Variants in ENPP2 observed in about 807,000 individuals in gnomAD.
ENPP2 encodes the protein autotaxin.
ENPP2 carries 51 observed loss-of-function variants against 120.2 expected under a neutral mutation model. The ratio of observed to expected loss-of-function variants is 0.42; its 90% CI spans 0.34 to 0.54. ENPP2 has a LOEUF of 0.54. ENPP2 is among the 20% of genes least tolerant of loss of function. ENPP2 has a pLI of 0.04. For missense variants in ENPP2, 920 were observed against 1,066.5 expected, an observed-to-expected ratio of 0.86 and a Z score of 1.91; for synonymous variants, 365 against 366.4, an observed-to-expected ratio of 1.00 and a Z score of 0.04.
chr8:119,607,963 G>A lies in ENPP2; in HGVS notation c.792C>T (p.Ala264=). Residue 264 remains alanine, a synonymous_variant, in exon 9 of 25, where the codon GCC becomes GCT. Coordinates refer to ENST00000075322, the MANE Select transcript of ENPP2 (RefSeq NM_001040092.3). ...TTCCAGCTTTCACCCCTTGCTTGGTGGCTGTAATCCATAGCTAATGAGGAA... is the reference window on the plus strand; with the variant it reads ...TTCCAGCTTTCACCCCTTGCTTGGTAGCTGTAATCCATAGCTAATGAGGAA... The part of the protein sequence containing the change: ...WWGGQPLWIT[A]TKQGVKAGTF... The A allele has an allele frequency of 6.2e-7, 1 of 1,610,174 alleles. No individual in the cohort carries two copies. Among genetic ancestry groups the A allele is most frequent in the Non-Finnish European group, 8.5e-7 (1 of 1,177,782 alleles).
Position 119,638,513 on chromosome 8 carries a change from G to C in ENPP2, c.48C>G (p.Phe16Leu), listed in dbSNP as rs1817143878. The change falls in exon 2 of 25, where the codon TTC becomes TTG. Residue 16 changes from phenylalanine to leucine, a missense_variant. Coordinates refer to ENST00000075322, the MANE Select transcript of ENPP2 (RefSeq NM_001040092.3). ...SFQSCQIISL[F>L]TFAVGVNICL... Reference sequence around the variant, plus strand: ...AGATATTGACTCCAACGGCAAAAGTGAACAGGGATATTATCTAAGAGAATA... The same window carrying C: ...AGATATTGACTCCAACGGCAAAAGTCAACAGGGATATTATCTAAGAGAATA... 6.3e-7 allele frequency: 1 copy of C among 1,589,810 alleles called. No individual in the cohort carries two copies. The highest frequency in any genetic ancestry group is 8.6e-7 in the Non-Finnish European group (1 of 1,157,852).
At chr8:119,672,895 C>T (rs1818292766) in intron 1 of ENPP2, among the ~76,000 whole-genome samples, 2 of 152,316 alleles carry the variant, frequency 1.3e-5, no homozygotes, top group South Asian at 4.1e-4. Context: ...GTCTCGCCGC[C>T]CAGGAGGGCA....
At chr8:119,600,942 C>G (rs952137394) in intron 10 of ENPP2, among the ~76,000 whole-genome samples, 192 bp from the exon 11 acceptor site, 1 of 151,620 alleles carries the variant, frequency 6.6e-6, no homozygotes, top group Non-Finnish European at 1.5e-5. Context: ...TCTGTAGTAA[C>G]TGTCTGGAAC....
chr8:119,658,673 C>T (rs1053203313), intron 1 of ENPP2, among the ~76,000 whole-genome samples: 3 of 152,102 alleles, frequency 2.0e-5, no homozygotes, highest in Admixed American at 1.3e-4. Context: ...ATCCTTCTCT[C>T]CCCTATGCTT....
intron 1 of ENPP2, among the ~76,000 whole-genome samples, chr8:119,661,410 C>G (rs116814449): frequency 0.019 from 2,845 of 152,278 alleles, 86 homozygotes; most frequent in African/African-American, 0.065. Context: ...TACAGGAAAG[C>G]TGCTCAACAT....
intron 1 of ENPP2, among the ~76,000 whole-genome samples, chr8:119,647,775 C>G (rs1000749846): frequency 6.6e-6 from 1 of 152,000 alleles, no homozygotes; most frequent in African/African-American, 2.4e-5. Flanking sequence ...GAGGCAGAGG[C>G]GGGTGGATTA....
chr8:119,600,875 T>TC, intron 10 of ENPP2, 125 bp from the exon 11 acceptor site: 1 of 649,672 alleles, frequency 1.5e-6, no homozygotes, highest in Non-Finnish European at 2.7e-6. Context: ...TAACTACTAT[T>TC]CATGTTAGCA....
At chr8:119,593,029 C>T in intron 12 of ENPP2, 3 of 862,084 alleles carry the variant, frequency 3.5e-6, no homozygotes, top group Non-Finnish European at 4.2e-6. Context: ...TCTAATAGTT[C>T]CGGAATACAG....
At chr8:119,650,770 C>T (rs1358139752) in intron 1 of ENPP2, among the ~76,000 whole-genome samples, 1 of 152,158 alleles carries the variant, frequency 6.6e-6, no homozygotes, top group Non-Finnish European at 1.5e-5. Flanking sequence ...TTTGTCAGAG[C>T]AACTTGGCCC....
Position 119,619,312 on chromosome 8 carries a change from G to A in ENPP2, c.419-8C>T. 1 of 1,594,190 alleles carries A rather than the reference G, an allele frequency of 6.3e-7. No individual in the cohort carries two copies. Among genetic ancestry groups the A allele is most frequent in the South Asian group, 1.1e-5 (1 of 90,060 alleles). ...CAACCCAATGCGACTCTCCTATAAG[G>A]AAAAATGGGTAAATGTATTGTTGAA... is the stretch of plus-strand genomic sequence containing the variant. On this transcript the variant is annotated splice_region_variant and splice_polypyrimidine_tract_variant and intron_variant, in intron 4 of 24. Transcript: ENST00000075322.
intron 8 of ENPP2, among the ~76,000 whole-genome samples, chr8:119,613,479 G>A (rs1815248828): frequency 6.6e-6 from 1 of 152,074 alleles, no homozygotes; most frequent in Non-Finnish European, 1.5e-5. Flanking sequence ...TTGGCTAAAT[G>A]TCTTGCATGG....
chr8:119,607,223 T>C (rs755455933), intron 9 of ENPP2, among the ~76,000 whole-genome samples: 4 of 152,164 alleles, frequency 2.6e-5, no homozygotes, highest in Admixed American at 6.5e-5. Flanking sequence ...AAATATAATA[T>C]GTTGTCATAT....
chr8:119,669,469 G>A (rs2130915012), intron 1 of ENPP2, among the ~76,000 whole-genome samples: 1 of 152,328 alleles, frequency 6.6e-6, no homozygotes, highest in Admixed American at 6.5e-5. Flanking sequence ...GAGCAGGGAT[G>A]TGAGCCCAGG....
intron 12 of ENPP2, among the ~76,000 whole-genome samples, chr8:119,592,099 G>T (rs1587415798): frequency 6.6e-6 from 1 of 152,134 alleles, no homozygotes; most frequent in African/African-American, 2.4e-5. Flanking sequence ...GCCACAAAAG[G>T]TGTATAGTGT....
intron 2 of ENPP2, among the ~76,000 whole-genome samples, chr8:119,629,375 A>G (rs905660194): frequency 1.3e-5 from 2 of 152,104 alleles, no homozygotes; most frequent in African/African-American, 4.8e-5. Context: ...TTCATTTTTT[A>G]TAATTCATGT....
chr8:119,610,428 A>G (rs553625807), intron 8 of ENPP2, among the ~76,000 whole-genome samples: 64 of 151,958 alleles, frequency 4.2e-4, no homozygotes, highest in Non-Finnish European at 1.0e-4. Flanking sequence ...CAAGGGGGGG[A>G]AAAAGGCACT....
At chr8:119,643,914 T>C (rs1817354427) in intron 1 of ENPP2, among the ~76,000 whole-genome samples, 1 of 152,092 alleles carries the variant, frequency 6.6e-6, no homozygotes, top group African/African-American at 2.4e-5. Flanking sequence ...GAGCAAAGAC[T>C]TCTAGACAGA....
At chr8:119,613,029 C>G (rs1815220956) in intron 8 of ENPP2, among the ~76,000 whole-genome samples, 1 of 152,202 alleles carries the variant, frequency 6.6e-6, no homozygotes. Context: ...ATTTAGTCAA[C>G]TCCTAGGAAT....
intron 1 of ENPP2, among the ~76,000 whole-genome samples, chr8:119,666,151 T>G (rs1284483292): frequency 6.6e-6 from 1 of 152,240 alleles, no homozygotes; most frequent in Non-Finnish European, 1.5e-5. Flanking sequence ...AGACGGGATA[T>G]TCATTAATGA....
Sources: gnomAD v4.1 joint callset for allele counts (sites outside exome capture counted in the v4.1 genomes callset) on GRCh38, gnomAD v4.1.1 for gene constraint, MANE v1.5 for transcripts, NCBI Gene and HGNC (gene_info 2026-07-23, HGNC 2026-07-21) for gene names.